GOLM2: variants seen among roughly 807,000 people sequenced by gnomAD.
The protein encoded by GOLM2 is protein GOLM2.
Under a neutral mutation model 55.9 loss-of-function variants are expected in GOLM2, and 26 were observed. The ratio of observed to expected loss-of-function variants is 0.47; its 90% confidence interval spans 0.34 to 0.65. GOLM2 has a LOEUF of 0.65. Ranked by LOEUF, GOLM2 falls within the 30% of genes least tolerant of loss-of-function variation. The pLI, the probability that GOLM2 is intolerant of heterozygous loss-of-function variation, is 0.01. For missense variants in GOLM2, 486 were observed against 531.8 expected, an observed-to-expected ratio of 0.91 and a Z score of 0.85; for synonymous variants, 165 against 194.6, an observed-to-expected ratio of 0.85 and a Z score of 1.27.
intron 3 of GOLM2, among the ~76,000 whole-genome samples, chr15:44,330,137 C>G (rs1300257476): frequency 2.0e-5 from 3 of 147,514 alleles, no homozygotes; most frequent in Non-Finnish European, 4.5e-5. Flanking sequence ...GTCTCGATCT[C>G]CTGACCTCGT....
intron 9 of GOLM2, among the ~76,000 whole-genome samples, chr15:44,407,232 A>G (rs921693734): frequency 2.7e-5 from 4 of 146,354 alleles, no homozygotes; most frequent in Admixed American, 6.9e-5. Context: ...ATATATTTAT[A>G]TTATAATTTA....
At chr15:44,378,558 C>A (rs1322567096) in intron 6 of GOLM2, among the ~76,000 whole-genome samples, 2 of 149,586 alleles carry the variant, frequency 1.3e-5, no homozygotes, top group Non-Finnish European at 3.0e-5. Context: ...GGGGTTTCAC[C>A]TTGTTGGCCA....
rs72717939 is a variant in GOLM2 at position 44,333,267 on chromosome 15, C to G, written c.576+1189C>G. ...TTTATACCTTGTAATCTTACCTAAC[C>G]AGGCATGATTTTTATGAACTCTTGT... On this transcript the variant is annotated intron_variant, in intron 4 of 9. Transcript: ENST00000299957. 4.0e-3 allele frequency among the ~76,000 whole-genome samples: 610 copies of G among 152,196 alleles called. 3 individuals are homozygous for G. The highest frequency in any genetic ancestry group is 5.7e-3 in the Admixed American group (87 of 15,286).
intron 6 of GOLM2, among the ~76,000 whole-genome samples, chr15:44,378,292 T>C (rs1231902929): frequency 6.6e-6 from 1 of 151,288 alleles, no homozygotes; most frequent in African/African-American, 2.4e-5. Flanking sequence ...CCTGACCTCG[T>C]GAGCCGCCCG....
At chr15:44,361,470 C>T (rs1231775855) in intron 6 of GOLM2, among the ~76,000 whole-genome samples, 3 of 152,118 alleles carry the variant, frequency 2.0e-5, no homozygotes, top group African/African-American at 7.2e-5. Context: ...TTCCTCGACA[C>T]ATACACTCTC....
At chr15:44,411,013 C>CTTTTT (rs201998296) in intron 9 of GOLM2, among the ~76,000 whole-genome samples, 6 of 81,338 alleles carry the variant, frequency 7.4e-5, no homozygotes, top group Admixed American at 1.3e-4. Context: ...GTTTGTTTGA[C>CTTTTT]TTTTTTTTTT....
intron 8 of GOLM2, 45 bp downstream of exon 8, chr15:44,381,021 AT>A: frequency 8.0e-7 from 1 of 1,248,062 alleles, no homozygotes; most frequent in Non-Finnish European, 1.1e-6. Flanking sequence ...ATTTCTTTAA[AT>A]GTAATATGAA....
chr15:44,313,528 T>G (rs1341922859), intron 1 of GOLM2, among the ~76,000 whole-genome samples: 1 of 152,230 alleles, frequency 6.6e-6, no homozygotes, highest in Non-Finnish European at 1.5e-5. Context: ...GTCATCATAC[T>G]CACTTATAAA....
At chr15:44,299,790 G>A (rs2078783981) in intron 1 of GOLM2, among the ~76,000 whole-genome samples, 1 of 151,798 alleles carries the variant, frequency 6.6e-6, no homozygotes, top group Non-Finnish European at 1.5e-5. Flanking sequence ...TCTTTCATGG[G>A]TGCATTGGTA....
chr15:44,326,028 C>G (rs2078978401), intron 2 of GOLM2, among the ~76,000 whole-genome samples: 1 of 152,028 alleles, frequency 6.6e-6, no homozygotes, highest in South Asian at 2.1e-4. Context: ...CTTTGGGAGG[C>G]TGAGGCGGGC....
At chr15:44,292,459 G>A (rs927867958) in intron 1 of GOLM2, among the ~76,000 whole-genome samples, 3 of 152,108 alleles carry the variant, frequency 2.0e-5, no homozygotes, top group Admixed American at 1.3e-4. Flanking sequence ...GCCTCCCAAA[G>A]TGCTGAGATT....
chr15:44,310,850 C>A (rs1052013289), intron 1 of GOLM2, among the ~76,000 whole-genome samples: 1 of 152,046 alleles, frequency 6.6e-6, no homozygotes, highest in Non-Finnish European at 1.5e-5. Context: ...AACCCCATAT[C>A]TACTAAAAAT....
chr15:44,393,715 C>T (rs1286457858), intron 8 of GOLM2, among the ~76,000 whole-genome samples: 1 of 152,066 alleles, frequency 6.6e-6, no homozygotes, highest in East Asian at 1.9e-4. Context: ...CTGCCTCCCA[C>T]ATTCAAGCGT....
intron 6 of GOLM2, among the ~76,000 whole-genome samples, chr15:44,376,101 C>T (rs2079362844): frequency 6.6e-6 from 1 of 152,120 alleles, no homozygotes; most frequent in Non-Finnish European, 1.5e-5. Flanking sequence ...CTGGGCTTGG[C>T]GCATGCCTAT....
chr15:44,385,747 G>A (rs750134524), intron 8 of GOLM2, among the ~76,000 whole-genome samples: 30 of 151,974 alleles, frequency 2.0e-4, no homozygotes, highest in Non-Finnish European at 3.2e-4. Flanking sequence ...TTGTGGAGAT[G>A]GGGTCTTGCT....
intron 1 of GOLM2, among the ~76,000 whole-genome samples, chr15:44,321,412 AGGGAG>A (rs1949911043): frequency 7.6e-6 from 1 of 131,388 alleles, no homozygotes; most frequent in African/African-American, 2.9e-5. Flanking sequence ...TGGAGACTGC[AGGGAG>A]CTGTTTTGCC....
chr15:44,386,697 C>T (rs1356438011), intron 8 of GOLM2, among the ~76,000 whole-genome samples: 1 of 151,962 alleles, frequency 6.6e-6, no homozygotes, highest in Non-Finnish European at 1.5e-5. Flanking sequence ...GTAGCAAGAC[C>T]CTATCTCTAA....
intron 6 of GOLM2, among the ~76,000 whole-genome samples, chr15:44,349,453 C>T (rs1215700165): frequency 6.6e-6 from 1 of 152,058 alleles, no homozygotes. Flanking sequence ...AACAGTTATA[C>T]ATATATATGC....
rs2141215536 is a variant in GOLM2, at chr15:44,403,208, G to C, written c.1240+154G>C. Reference sequence around the variant, plus strand: ...ACGGAATTTCGCTTTTGTTGCCCAGGCTGGAGTCCAATGGTGCGATCTTGG... The same window carrying C: ...ACGGAATTTCGCTTTTGTTGCCCAGCCTGGAGTCCAATGGTGCGATCTTGG... On this transcript the variant is annotated intron_variant, in intron 9 of 9. Coordinates refer to ENST00000299957, the MANE Select transcript of GOLM2 (RefSeq NM_138423.4). 5.0e-6 allele frequency: 4 copies of C among 798,118 alleles called. No homozygotes were observed. The South Asian group carries it at 6.4e-5, about 13-fold the overall frequency. The allele number at this position is 798,118 out of a possible 1,614,324, so 49.4% of individuals were successfully genotyped here. A position where few individuals can be genotyped will look rare whatever the true frequency, so the allele number is the denominator to read the frequency against.
Sources: allele counts gnomAD v4.1 joint callset (sites outside exome capture counted in the v4.1 genomes callset), GRCh38; gene constraint gnomAD v4.1.1; transcripts MANE v1.5; gene names NCBI Gene and HGNC (gene_info 2026-07-23, HGNC 2026-07-21).